Variants in GALNT18 observed in about 807,000 individuals in gnomAD.
GALNT18 encodes the protein GalNAc-transferase 18.
GALNT18 carries 44 observed loss-of-function variants against 69.5 expected under a neutral mutation model. The ratio of observed to expected loss-of-function variants is 0.63; its 90% CI spans 0.50 to 0.81. GALNT18 has a LOEUF of 0.81. Ranked by LOEUF, GALNT18 falls within the 40% of genes least tolerant of loss-of-function variation. The pLI is 0.00. For synonymous variants in GALNT18, 364 were observed against 318.2 expected (o/e 1.14, Z -1.53); for missense variants, 715 against 810.0 (o/e 0.88, Z 1.42).
rs1314985337 is a variant in GALNT18 at position 11,596,996 on chromosome 11, G to C, written c.235+24363C>G. Among the ~76,000 whole-genome samples, 3 of 152,116 alleles carry C rather than the reference G, an allele frequency of 2.0e-5. No homozygotes were observed. Among genetic ancestry groups the C allele is most frequent in the Non-Finnish European group, 4.4e-5 (3 of 68,008 alleles). ...TTATCTTCAATTCCTAGTTTATTGA[G>C]TGTTTTCATCCAGAAAGGGTAGATT... On this transcript the variant is annotated intron_variant, in intron 1 of 10. Transcript: ENST00000227756. The surrounding 1 kb of genome is among the most constrained non-coding windows in gnomAD (Gnocchi z 4.2).
intron 6 of GALNT18, among the ~76,000 whole-genome samples, chr11:11,367,971 G>A (rs1850808882): frequency 6.6e-6 from 1 of 152,184 alleles, no homozygotes; most frequent in African/African-American, 2.4e-5. Flanking sequence ...GGATCTGCCT[G>A]AATGTTTAGC....
rs1856884058 is a variant in GALNT18 at position 11,497,327 on chromosome 11, A to ACACACACACAC, written c.236-48392_236-48391insGTGTGTGTGTG. 3.0e-5 allele frequency among the ~76,000 whole-genome samples: 4 copies of ACACACACACAC among 132,228 alleles called. No homozygotes were observed. The highest frequency in any genetic ancestry group is 7.6e-5 in the Admixed American group (1 of 13,164). The allele number at this position is 132,228 out of a possible 152,430, so 86.7% of individuals were successfully genotyped here. A position where few individuals can be genotyped will look rare whatever the true frequency, so the allele number is the denominator to read the frequency against. On this transcript the variant is annotated intron_variant, in intron 1 of 10. Transcript: ENST00000227756. This position sits in a 1 kb window ranked among gnomAD's most constrained non-coding sequence, Gnocchi z 4.2. ...TATTTATGTTTTACCTCCTGTCTCC[A>ACACACACACAC]ACACACACACACACACACACACACA... is the stretch of plus-strand genomic sequence containing the variant.
chr11:11,273,043 G>GT (rs1310910079), intron 10 of GALNT18, among the ~76,000 whole-genome samples: 1 of 152,128 alleles, frequency 6.6e-6, no homozygotes, highest in Non-Finnish European at 1.5e-5. Context: ...ATCAAAATAG[G>GT]TTAAAGACTT....
intron 1 of GALNT18, among the ~76,000 whole-genome samples, chr11:11,518,201 C>T (rs1857322651): frequency 6.6e-6 from 1 of 152,250 alleles, no homozygotes; most frequent in African/African-American, 2.4e-5. Context: ...TTCCCTCTCA[C>T]CAGCCAGCTG....
intron 1 of GALNT18, among the ~76,000 whole-genome samples, chr11:11,466,508 A>G (rs570371113): frequency 6.6e-6 from 1 of 152,344 alleles, no homozygotes; most frequent in East Asian, 1.9e-4. Context: ...GGTTTCCAAA[A>G]GAGTCTGTGG....
rs1589947639 is a variant in GALNT18, at chr11:11,372,749, G to A, written c.978-120C>T. ...TCCTTCCTTTGCTGCCAGAGCCAGT[G>A]TGAGCCTTGTTCTTGGAGTGGCCCC... is the stretch of plus-strand genomic sequence containing the variant. On this transcript the variant is annotated intron_variant, in intron 5 of 10. Transcript: ENST00000227756. The surrounding 1 kb of genome is among the most constrained non-coding windows in gnomAD (Gnocchi z 4.9). 1.3e-6 allele frequency: 1 copy of A among 792,614 alleles called. No individual in the cohort carries two copies. Among genetic ancestry groups the A allele is most frequent in the East Asian group, 2.7e-5 (1 of 37,330 alleles). 49.1% of individuals were successfully genotyped at this position (792,614 alleles called of 1,614,324 possible).
At position 11,573,559 on chromosome 11, in the gene GALNT18, T is replaced by C. The variant is rs1360324155; in HGVS notation, c.235+47800A>G. On this transcript the variant is annotated intron_variant, in intron 1 of 10. Coordinates refer to ENST00000227756, the MANE Select transcript of GALNT18 (RefSeq NM_198516.3). The surrounding 1 kb of genome is among the most constrained non-coding windows in gnomAD (Gnocchi z 4.6). ...CTGATGCCCAGCAAAGGGGAAAGGA[T>C]AGCAGGAGCCTTGATCCACCCAGGA... 1 of 152,190 alleles carries C rather than the reference T, an allele frequency of 6.6e-6. No individual in the cohort carries two copies. The highest frequency in any genetic ancestry group is 1.5e-5 in the Non-Finnish European group (1 of 68,054). The allele number at this position is 152,190 out of a possible 1,614,324, so 9.4% of individuals were successfully genotyped here.
intron 1 of GALNT18, among the ~76,000 whole-genome samples, chr11:11,544,268 C>T (rs1034243640): frequency 2.0e-5 from 3 of 152,162 alleles, no homozygotes; most frequent in Admixed American, 6.5e-5. Context: ...AGCAAATGTG[C>T]CCTGGAAGCC....
chr11:11,572,105 G>C (rs535303293), intron 1 of GALNT18, among the ~76,000 whole-genome samples: 1 of 152,236 alleles, frequency 6.6e-6, no homozygotes, highest in African/African-American at 2.4e-5. Context: ...AGCTCTCCCT[G>C]TGCAAGCAGG....
rs765010800 is a variant in GALNT18, at chr11:11,619,177, C to T, written c.235+2182G>A. 9.2e-5 allele frequency among the ~76,000 whole-genome samples: 14 copies of T among 152,184 alleles called. No homozygotes were observed. Among genetic ancestry groups the T allele is most frequent in the Non-Finnish European group, 1.6e-4 (11 of 68,030 alleles). The stretch of plus-strand genomic sequence containing the variant: ...TTCCAGTCTTTCCAAGTCACTGACC[C>T]TTCCCTACCTTCCTATAGGTGGCAG... On this transcript the variant is annotated intron_variant, in intron 1 of 10. Coordinates refer to ENST00000227756, the MANE Select transcript of GALNT18 (RefSeq NM_198516.3). The surrounding 1 kb of genome is among the most constrained non-coding windows in gnomAD (Gnocchi z 4.9).
chr11:11,373,024 C>T (rs1589947843), intron 5 of GALNT18, among the ~76,000 whole-genome samples: 1 of 152,162 alleles, frequency 6.6e-6, no homozygotes. Context: ...AACTTGGAAT[C>T]TGTATGTCAT....
At chr11:11,391,038 T>A (rs1854179623) in intron 3 of GALNT18, among the ~76,000 whole-genome samples, 1 of 152,200 alleles carries the variant, frequency 6.6e-6, no homozygotes, top group South Asian at 2.1e-4. Flanking sequence ...GCTCCCTTCC[T>A]CCTTTCCAAA....
rs539109516 is a variant in GALNT18, at chr11:11,286,706, G to C, written c.1677+6323C>G. On this transcript the variant is annotated intron_variant, in intron 10 of 10. Coordinates refer to ENST00000227756, the MANE Select transcript of GALNT18 (RefSeq NM_198516.3). ...CTCTGGCTTTTCATTAGGTGCTGGA[G>C]ATACTGAAGTGTGAGACACAGTCCT... Among the ~76,000 whole-genome samples, 5 of 152,288 alleles carry C rather than the reference G, an allele frequency of 3.3e-5. No individual in the cohort carries two copies. In the South Asian group the frequency reaches 1.0e-3, roughly 32 times the overall value.
At chr11:11,312,922 A>G (rs1261839465) in intron 9 of GALNT18, among the ~76,000 whole-genome samples, 1 of 152,186 alleles carries the variant, frequency 6.6e-6, no homozygotes, top group African/African-American at 2.4e-5. Context: ...CCCTGGAGGA[A>G]CTCACCATCT....
intron 9 of GALNT18, among the ~76,000 whole-genome samples, chr11:11,319,538 A>G (rs1337355160): frequency 6.6e-6 from 1 of 152,214 alleles, no homozygotes; most frequent in African/African-American, 2.4e-5. Flanking sequence ...TTATGCTGCT[A>G]CAAGCCGTTA....
intron 1 of GALNT18, among the ~76,000 whole-genome samples, chr11:11,550,053 G>C (rs182441010): frequency 3.3e-5 from 5 of 152,356 alleles, no homozygotes; most frequent in Admixed American, 3.3e-4. Context: ...CTCCAGGACA[G>C]GACTCTGATG....
At position 11,396,028 on chromosome 11, in the gene GALNT18, A is replaced by T. The variant is rs1416027944; in HGVS notation, c.596-16764T>A. Among the ~76,000 whole-genome samples the T allele has an allele frequency of 5.3e-5, 8 of 152,052 alleles. No individual in the cohort carries two copies. The East Asian group carries it at 1.5e-3, about 29-fold the overall frequency. Reference sequence around the variant, plus strand: ...GACACAGCCAGGTGGGAGAGGTGCCATTTTCCTGGGGTACAGCTGAGCCTT... The same window carrying T: ...GACACAGCCAGGTGGGAGAGGTGCCTTTTTCCTGGGGTACAGCTGAGCCTT... On this transcript the variant is annotated intron_variant, in intron 3 of 10. Coordinates refer to ENST00000227756, the MANE Select transcript of GALNT18 (RefSeq NM_198516.3). The surrounding 1 kb of genome is among the most constrained non-coding windows in gnomAD (Gnocchi z 5.2).
chr11:11,520,050 G>A (rs986844337), intron 1 of GALNT18, among the ~76,000 whole-genome samples: 2 of 152,216 alleles, frequency 1.3e-5, no homozygotes, highest in African/African-American at 4.8e-5. Flanking sequence ...TGGCACTGGG[G>A]AGCAGGAGCA....
intron 9 of GALNT18, among the ~76,000 whole-genome samples, chr11:11,311,744 A>G (rs1849676793): frequency 6.6e-6 from 1 of 152,200 alleles, no homozygotes; most frequent in Admixed American, 6.5e-5. Context: ...AGGTCGCCAT[A>G]AAAATATACT....
Sources: gnomAD v4.1 joint callset for allele counts (sites outside exome capture counted in the v4.1 genomes callset) on GRCh38, gnomAD v4.1.1 for gene constraint, Gnocchi (gnomAD v3.1) non-coding constraint, MANE v1.5 for transcripts, NCBI Gene and HGNC (gene_info 2026-07-23, HGNC 2026-07-21) for gene names.